NEGR1: variants seen among roughly 807,000 people sequenced by gnomAD.
NEGR1 encodes IgLON family member 4.
A neutral mutation model predicts 40.9 loss-of-function variants in NEGR1; 10 were observed. The ratio of observed to expected loss-of-function variants is 0.24; its 90% CI spans 0.15 to 0.42. NEGR1 has a LOEUF of 0.42. Among genes scored for constraint, NEGR1 ranks in the 10% least tolerant of loss-of-function variants. The pLI, the probability that NEGR1 is intolerant of heterozygous loss-of-function variation, is 1.00. For missense variants in NEGR1, 352 were observed against 438.9 expected, an observed-to-expected ratio of 0.80 and a Z score of 1.77; for synonymous variants, 185 against 166.8, an observed-to-expected ratio of 1.11 and a Z score of -0.84.
intron 1 of NEGR1, among the ~76,000 whole-genome samples, chr1:72,172,251 A>G (rs1464307718): frequency 6.6e-6 from 1 of 152,106 alleles, no homozygotes. Context: ...TATTTCTACT[A>G]GTTCCTTTTC....
chr1:71,679,529 C>T (rs1439804955), intron 4 of NEGR1, among the ~76,000 whole-genome samples: 1 of 152,048 alleles, frequency 6.6e-6, no homozygotes, highest in Non-Finnish European at 1.5e-5. Context: ...GTTTATTCAG[C>T]ATCACTGCTA....
chr1:71,895,621 C>G (rs776769329), intron 2 of NEGR1, among the ~76,000 whole-genome samples: 2 of 152,056 alleles, frequency 1.3e-5, no homozygotes, highest in Non-Finnish European at 2.9e-5. Context: ...TGTAACATAT[C>G]AGTACATTAT....
chr1:71,553,087 T>C (rs1444447899), intron 6 of NEGR1, among the ~76,000 whole-genome samples: 1 of 151,568 alleles, frequency 6.6e-6, no homozygotes, highest in East Asian at 2.0e-4. Context: ...TGTTTCTTTC[T>C]TTTATCCTTC....
chr1:71,942,483 ATTTTTTTTTTTTTTTTTT>A lies in NEGR1; in HGVS notation c.177-7190_177-7173del, dbSNP rs1162818244. ...TATATATATATATATATATATATAT[ATTTTTTTTTTTTTTTTTT>A]TTTTTTTTTTTTTTTTTTGAGACGG... On this transcript the variant is annotated intron_variant, in intron 1 of 6. Transcript: ENST00000357731. Among the ~76,000 whole-genome samples, 55 of 18,586 alleles carry A rather than the reference ATTTTTTTTTTTTTTTTTT, an allele frequency of 3.0e-3. 1 individual carries two copies. Among genetic ancestry groups the A allele is most frequent in the African/African-American group, 9.7e-3 (51 of 5,236 alleles). 12.2% of individuals were successfully genotyped at this position (18,586 alleles called of 152,430 possible).
intron 1 of NEGR1, among the ~76,000 whole-genome samples, chr1:72,054,762 T>G (rs1647095351): frequency 6.6e-6 from 1 of 151,208 alleles, no homozygotes. Context: ...ACATAAAATT[T>G]TTCTTCCAAA....
intron 3 of NEGR1, among the ~76,000 whole-genome samples, chr1:71,727,572 C>G (rs959569958): frequency 2.0e-5 from 3 of 152,106 alleles, no homozygotes; most frequent in African/African-American, 7.2e-5. Flanking sequence ...ATCACCAAAA[C>G]AAGCACAAAT....
At chr1:71,906,008 C>T (rs898496375) in intron 2 of NEGR1, among the ~76,000 whole-genome samples, 90 of 152,090 alleles carry the variant, frequency 5.9e-4, no homozygotes, top group African/African-American at 2.0e-3. Flanking sequence ...TAGGGACTTT[C>T]CACCATATTA....
chr1:71,998,026 C>A lies in NEGR1; in HGVS notation c.177-62715G>T, dbSNP rs112610929. Among the ~76,000 whole-genome samples, 330 of 152,060 alleles carry A rather than the reference C, an allele frequency of 2.2e-3. 1 individual carries two copies. The highest frequency in any genetic ancestry group is 7.6e-3 in the African/African-American group (314 of 41,540). ...GTAAAAATTAACAATTTTGAAACAA[C>A]TTCTTAATTTTCCCTGACTAAGAAG... On this transcript the variant is annotated intron_variant, in intron 1 of 6. Transcript: ENST00000357731.
At chr1:71,853,895 A>T (rs551351703) in intron 2 of NEGR1, among the ~76,000 whole-genome samples, 1 of 152,190 alleles carries the variant, frequency 6.6e-6, no homozygotes, top group Non-Finnish European at 1.5e-5. Context: ...TGTTTAGTTC[A>T]GAGCAAAATG....
At chr1:71,782,558 A>G (rs545576535) in intron 2 of NEGR1, among the ~76,000 whole-genome samples, 9 of 152,252 alleles carry the variant, frequency 5.9e-5, no homozygotes, top group African/African-American at 2.2e-4. Context: ...GTAGAGACCT[A>G]GGGTAGGGAA....
rs116114348 is a variant in NEGR1, at chr1:71,824,283, T to C, written c.410-47986A>G. On this transcript the variant is annotated intron_variant, in intron 2 of 6. Transcript: ENST00000357731. ...CTGCAATTTTCTCAAACACTTTTTT[T>C]ATTGAAAATATGGGCAGTTCATTTG... Among the ~76,000 whole-genome samples, 785 of 152,004 alleles carry C rather than the reference T, an allele frequency of 5.2e-3. 6 individuals are homozygous for C. Among genetic ancestry groups the C allele is most frequent in the African/African-American group, 0.018 (735 of 41,510 alleles).
At chr1:71,569,667 A>G (rs1648747951) in intron 6 of NEGR1, among the ~76,000 whole-genome samples, 1 of 152,226 alleles carries the variant, frequency 6.6e-6, no homozygotes, top group Non-Finnish European at 1.5e-5. Flanking sequence ...CACTAAATGC[A>G]GAATTCAGAT....
In NEGR1 at chr1:71,405,552, TAC is replaced by T. The variant is rs1444023539; in HGVS notation, c.*1892_*1893del. On this transcript the variant is annotated 3_prime_UTR_variant, in exon 7 of 7. Transcript: ENST00000357731. ...AATCAAAATAATGTCATACATTTATTACAGTTAGTAGATTTACTAGCTTTATG... is the reference window on the plus strand; with the variant it reads ...AATCAAAATAATGTCATACATTTATTAGTTAGTAGATTTACTAGCTTTATG... 1 of 152,184 alleles carries T rather than the reference TAC, an allele frequency of 6.6e-6. No homozygotes were observed. Among genetic ancestry groups the T allele is most frequent in the Non-Finnish European group, 1.5e-5 (1 of 67,772 alleles). 9.4% of individuals were successfully genotyped at this position (152,184 alleles called of 1,614,324 possible). A position where few individuals can be genotyped will look rare whatever the true frequency, so the allele number is the denominator to read the frequency against.
chr1:72,014,651 A>G (rs1036525074), intron 1 of NEGR1, among the ~76,000 whole-genome samples: 1 of 152,046 alleles, frequency 6.6e-6, no homozygotes, highest in Non-Finnish European at 1.5e-5. Context: ...TATTATATTC[A>G]TATACCAAGA....
intron 6 of NEGR1, among the ~76,000 whole-genome samples, chr1:71,557,857 G>A (rs1226790166): frequency 6.6e-6 from 1 of 151,450 alleles, no homozygotes; most frequent in Non-Finnish European, 1.5e-5. Flanking sequence ...TCCAGGATAC[G>A]GTATTGCATT....
chr1:71,902,890 TTAAC>T (rs1465017783), intron 2 of NEGR1, among the ~76,000 whole-genome samples: 1 of 152,070 alleles, frequency 6.6e-6, no homozygotes, highest in African/African-American at 2.4e-5. Flanking sequence ...AGTTTTTACT[TTAAC>T]TGGATGAGCT....
rs1335942425 is a variant in NEGR1 at position 71,596,608 on chromosome 1, C to T, written c.789-3640G>A. On this transcript the variant is annotated intron_variant, in intron 5 of 6. Coordinates refer to ENST00000357731, the MANE Select transcript of NEGR1 (RefSeq NM_173808.3). Reference sequence around the variant, plus strand: ...TCACCCCAAAAAACTGGCCACATAGCCATCAGCACTGATTGTTAAGATTAC... The same window carrying T: ...TCACCCCAAAAAACTGGCCACATAGTCATCAGCACTGATTGTTAAGATTAC... 2.0e-5 allele frequency among the ~76,000 whole-genome samples: 3 copies of T among 152,296 alleles called. No individual in the cohort carries two copies. The East Asian group carries it at 5.8e-4, about 29-fold the overall frequency.
At chr1:71,786,506 G>A (rs1233214164) in intron 2 of NEGR1, among the ~76,000 whole-genome samples, 1 of 152,114 alleles carries the variant, frequency 6.6e-6, no homozygotes, top group Non-Finnish European at 1.5e-5. Context: ...CGGGAAACAT[G>A]TCTAAAAAAG....
chr1:71,951,605 T>C (rs1646070970), intron 1 of NEGR1, among the ~76,000 whole-genome samples: 1 of 151,986 alleles, frequency 6.6e-6, no homozygotes, highest in Non-Finnish European at 1.5e-5. Flanking sequence ...AAAAAATAGC[T>C]TCTTTTAATA....
Sources: allele counts gnomAD v4.1 joint callset (sites outside exome capture counted in the v4.1 genomes callset), GRCh38; gene constraint gnomAD v4.1.1; transcripts MANE v1.5; gene names NCBI Gene and HGNC (gene_info 2026-07-23, HGNC 2026-07-21).